The following PCDH9 variants were observed in gnomAD, a reference collection of about 807,000 sequenced individuals.
The protein encoded by PCDH9 is protocadherin-9.
A neutral mutation model predicts 70.6 loss-of-function variants in PCDH9; 24 were observed. The observed-to-expected ratio is 0.34, with a 90% CI of 0.25 to 0.48. PCDH9 has a LOEUF of 0.48. PCDH9 is among the 20% of genes least tolerant of loss of function. The pLI is 0.99. For missense variants in PCDH9, 1,281 were observed against 1,503.6 expected, an observed-to-expected ratio of 0.85 and a Z score of 2.45; for synonymous variants, 562 against 558.5, an observed-to-expected ratio of 1.01 and a Z score of -0.09.
chr13:67,040,069 T>C (rs886764111), intron 2 of PCDH9, among the ~76,000 whole-genome samples: 2 of 152,084 alleles, frequency 1.3e-5, no homozygotes, highest in African/African-American at 2.4e-5. Flanking sequence ...ACTTACACAA[T>C]AGCAATCACA....
rs2086516431 is a variant in PCDH9 at position 67,105,291 on chromosome 13, T to C, written c.3036+120114A>G. 2.0e-5 allele frequency among the ~76,000 whole-genome samples: 3 copies of C among 152,188 alleles called. 1 individual carries two copies. The highest frequency in any genetic ancestry group is 4.1e-4 in the South Asian group (2 of 4,832). On this transcript the variant is annotated intron_variant, in intron 2 of 4. Coordinates refer to ENST00000377865, the MANE Select transcript of PCDH9 (RefSeq NM_203487.3). ...GAAAAGCTTTTCTTACTCTGTAATT[T>C]AGTAAAATAAAATAATACTATGAAG...
At chr13:66,537,854 A>C (rs985442576) in intron 4 of PCDH9, among the ~76,000 whole-genome samples, 1 of 152,124 alleles carries the variant, frequency 6.6e-6, no homozygotes, top group South Asian at 2.1e-4. Flanking sequence ...TTAAATGTTC[A>C]TCTTAAAAAC....
chr13:66,679,225 T>C (rs988637288), intron 3 of PCDH9, among the ~76,000 whole-genome samples: 2 of 151,714 alleles, frequency 1.3e-5, no homozygotes, highest in African/African-American at 4.8e-5. Flanking sequence ...TTAGCTACAG[T>C]CTTTTTATAA....
At chr13:66,642,165 A>T (rs2077717206) in intron 3 of PCDH9, among the ~76,000 whole-genome samples, 2 of 152,112 alleles carry the variant, frequency 1.3e-5, no homozygotes, top group Non-Finnish European at 1.5e-5. Context: ...TATGTGTCTT[A>T]AAATGTGGAA....
intron 3 of PCDH9, among the ~76,000 whole-genome samples, chr13:66,659,840 C>T (rs1432345708): frequency 6.6e-6 from 1 of 151,936 alleles, no homozygotes; most frequent in Non-Finnish European, 1.5e-5. Context: ...TTAGCTAGGA[C>T]TAGCGCATGT....
chr13:66,456,252 G>A (rs1309085201), intron 4 of PCDH9, among the ~76,000 whole-genome samples: 1 of 152,030 alleles, frequency 6.6e-6, no homozygotes, highest in Admixed American at 6.6e-5. Flanking sequence ...AACTTGAATT[G>A]TCTATTGTTT....
intron 3 of PCDH9, among the ~76,000 whole-genome samples, chr13:66,709,334 CA>C (rs1197805612): frequency 6.6e-6 from 1 of 152,134 alleles, no homozygotes; most frequent in African/African-American, 2.4e-5. Flanking sequence ...CTAGTCTCAA[CA>C]ATAACTAAAT....
intron 2 of PCDH9, among the ~76,000 whole-genome samples, chr13:67,189,456 T>C (rs1413194388): frequency 6.6e-6 from 1 of 152,092 alleles, no homozygotes; most frequent in Non-Finnish European, 1.5e-5. Flanking sequence ...TGAAGAAATA[T>C]TTTTCTTATA....
chr13:66,615,283 G>T (rs1236799615), intron 4 of PCDH9, among the ~76,000 whole-genome samples: 1 of 152,158 alleles, frequency 6.6e-6, no homozygotes, highest in Non-Finnish European at 1.5e-5. Flanking sequence ...AGGTACATTG[G>T]ATTGCCAAAA....
At chr13:66,679,335 A>T (rs1227945069) in intron 3 of PCDH9, among the ~76,000 whole-genome samples, 1 of 151,860 alleles carries the variant, frequency 6.6e-6, no homozygotes, top group East Asian at 1.9e-4. Context: ...ATGATATTAT[A>T]GTGATATTAT....
chr13:66,761,914 G>A (rs546712900), intron 3 of PCDH9, among the ~76,000 whole-genome samples: 16 of 150,948 alleles, frequency 1.1e-4, no homozygotes, highest in Non-Finnish European at 2.2e-4. Flanking sequence ...TGTCCATTTG[G>A]TAGTGTCATT....
At position 66,396,081 on chromosome 13, in the gene PCDH9, G is replaced by A. The variant is rs113633685; in HGVS notation, c.3341-91053C>T. On this transcript the variant is annotated intron_variant, in intron 4 of 4. Transcript: ENST00000377865. Reference sequence around the variant, plus strand: ...GGAAGGTTGAGTTTGTATATAGAATGTATCTAGCTAGTTTCAAGGCTTGAA... The same window carrying A: ...GGAAGGTTGAGTTTGTATATAGAATATATCTAGCTAGTTTCAAGGCTTGAA... 2.2e-3 allele frequency among the ~76,000 whole-genome samples: 342 copies of A among 152,226 alleles called. 2 individuals are homozygous for A. The highest frequency in any genetic ancestry group is 7.7e-3 in the African/African-American group (319 of 41,540).
intron 2 of PCDH9, among the ~76,000 whole-genome samples, chr13:67,076,106 G>A (rs2085872156): frequency 6.6e-6 from 1 of 152,138 alleles, no homozygotes; most frequent in Non-Finnish European, 1.5e-5. Context: ...GAAATGATTA[G>A]TATGATCACC....
chr13:67,183,907 C>T (rs1682287643), intron 2 of PCDH9, among the ~76,000 whole-genome samples: 1 of 152,090 alleles, frequency 6.6e-6, no homozygotes, highest in South Asian at 2.1e-4. Flanking sequence ...ACGTGGCATT[C>T]CAATAATGGA....
intron 2 of PCDH9, among the ~76,000 whole-genome samples, chr13:67,055,907 C>A (rs2085410661): frequency 6.6e-6 from 1 of 152,084 alleles, no homozygotes; most frequent in Non-Finnish European, 1.5e-5. Flanking sequence ...GATACCAGCA[C>A]TTTGGGAGTC....
intron 2 of PCDH9, among the ~76,000 whole-genome samples, chr13:67,165,761 A>C (rs1246804510): frequency 6.6e-6 from 1 of 152,208 alleles, no homozygotes; most frequent in Non-Finnish European, 1.5e-5. Context: ...GGAGTTAATT[A>C]TCTTATTTTA....
intron 4 of PCDH9, among the ~76,000 whole-genome samples, chr13:66,404,634 G>A (rs1209452810): frequency 6.6e-6 from 1 of 152,112 alleles, no homozygotes; most frequent in Non-Finnish European, 1.5e-5. Context: ...GATTCAAGGT[G>A]TGAATCATTC....
chr13:66,502,437 A>G lies in PCDH9; in HGVS notation c.3340+128773T>C, dbSNP rs183948473. 4.4e-3 allele frequency among the ~76,000 whole-genome samples: 673 copies of G among 152,250 alleles called. 3 individuals are homozygous for G. Among genetic ancestry groups the G allele is most frequent in the Non-Finnish European group, 6.4e-3 (433 of 67,964 alleles). On this transcript the variant is annotated intron_variant, in intron 4 of 4. Transcript: ENST00000377865. The stretch of plus-strand genomic sequence containing the variant: ...TTGTGATCAAAATATTTTTTCTTAA[A>G]GTTCATTTTATTAGATTTAAAGAAA...
At chr13:66,648,309 C>T (rs1376741817) in intron 3 of PCDH9, among the ~76,000 whole-genome samples, 1 of 152,160 alleles carries the variant, frequency 6.6e-6, no homozygotes, top group East Asian at 1.9e-4. Flanking sequence ...GTTGGGTGGC[C>T]ACAGGAGTGC....
Sources: allele counts gnomAD v4.1 joint callset (sites outside exome capture counted in the v4.1 genomes callset), GRCh38; gene constraint gnomAD v4.1.1; transcripts MANE v1.5; gene names NCBI Gene and HGNC (gene_info 2026-07-23, HGNC 2026-07-21).